RANBP17: variants seen among roughly 807,000 people sequenced by gnomAD.
The protein encoded by RANBP17 is RAN binding protein 17.
In RANBP17, 158 loss-of-function variants were observed where a neutral mutation model predicts 141.2. The ratio of observed to expected loss-of-function variants is 1.12; its 90% CI spans 0.98 to 1.28. The LOEUF (loss-of-function observed/expected upper bound fraction) is 1.28. Ranked by LOEUF, RANBP17 falls within the 50% of genes most tolerant of loss-of-function variation. The pLI is 0.00. For synonymous variants in RANBP17, 430 were observed against 450.0 expected (o/e 0.96, Z 0.56); for missense variants, 1,438 against 1,290.7 (o/e 1.11, Z -1.75).
At chr5:171,196,145 T>C (rs565925162) in intron 18 of RANBP17, among the ~76,000 whole-genome samples, 1 of 152,264 alleles carries the variant, frequency 6.6e-6, no homozygotes, top group Admixed American at 6.5e-5. Context: ...ATAAGAAAAG[T>C]AAAGCAGGTT....
chr5:171,194,360 G>C (rs1338550831), intron 18 of RANBP17, among the ~76,000 whole-genome samples: 1 of 151,870 alleles, frequency 6.6e-6, no homozygotes, highest in African/African-American at 2.4e-5. Context: ...TTAAGTAATT[G>C]CTTCTCTTCT....
At chr5:170,936,901 T>C (rs2127468266) in intron 12 of RANBP17, among the ~76,000 whole-genome samples, 1 of 152,372 alleles carries the variant, frequency 6.6e-6, no homozygotes, top group South Asian at 2.1e-4. Flanking sequence ...GTCTTCCTTA[T>C]TGACCTTTAC....
At chr5:171,276,921 A>T (rs1343208757) in intron 25 of RANBP17, among the ~76,000 whole-genome samples, 2 of 528 alleles carry the variant, frequency 3.8e-3, no homozygotes, top group Non-Finnish European at 0.036. Context: ...TGTATCTTAA[A>T]AAAAAAAAAA....
At chr5:171,135,920 G>T (rs951283291) in intron 14 of RANBP17, among the ~76,000 whole-genome samples, 2 of 152,124 alleles carry the variant, frequency 1.3e-5, no homozygotes, top group Non-Finnish European at 2.9e-5. Context: ...TGCAATCAAA[G>T]ATTAATTTGC....
intron 14 of RANBP17, among the ~76,000 whole-genome samples, chr5:171,089,964 C>G (rs956102724): frequency 6.6e-6 from 1 of 152,182 alleles, no homozygotes; most frequent in Non-Finnish European, 1.5e-5. Context: ...TGTTCCTGTT[C>G]GGCCATCTTC....
chr5:171,065,182 G>A (rs921965316), intron 14 of RANBP17, among the ~76,000 whole-genome samples: 1 of 151,948 alleles, frequency 6.6e-6, no homozygotes, highest in African/African-American at 2.4e-5. Flanking sequence ...GTAGTGGAAG[G>A]AATGAATCTA....
chr5:171,205,376 GTC>G (rs1224867526), intron 19 of RANBP17, 146 bp from the exon 20 acceptor site: 3 of 635,152 alleles, frequency 4.7e-6, no homozygotes, highest in East Asian at 5.5e-5. Context: ...TGTTTAAAGA[GTC>G]TGTGCTTTTC....
At chr5:171,066,124 G>A (rs245761) in intron 14 of RANBP17, among the ~76,000 whole-genome samples, 92,924 of 151,772 alleles carry the variant, frequency 0.61, 29,790 homozygotes, top group South Asian at 0.88. Flanking sequence ...GGCCTCCCAA[G>A]GTGCTGGGAT....
chr5:171,091,326 G>A lies in RANBP17; in HGVS notation c.1711-78804G>A, dbSNP rs185860631. Among the ~76,000 whole-genome samples the A allele has an allele frequency of 1.4e-3, 214 of 151,610 alleles. 1 individual carries two copies. Among genetic ancestry groups the A allele is most frequent in the Non-Finnish European group, 2.7e-3 (184 of 67,918 alleles). ...CAGATTTGCATGGGGCGTTTAGCCCGTTTGTTTTGTCCAGTTTCCCCCATT... is the reference window on the plus strand; with the variant it reads ...CAGATTTGCATGGGGCGTTTAGCCCATTTGTTTTGTCCAGTTTCCCCCATT... On this transcript the variant is annotated intron_variant, in intron 14 of 27. Transcript: ENST00000523189.
chr5:171,089,312 C>T (rs1262342623), intron 14 of RANBP17, among the ~76,000 whole-genome samples: 9 of 109,222 alleles, frequency 8.2e-5, no homozygotes, highest in Admixed American at 1.9e-4. Flanking sequence ...GGCAGTCTGC[C>T]CGTTCTCAGA....
chr5:171,013,803 G>A (rs987541817), intron 14 of RANBP17, among the ~76,000 whole-genome samples: 1 of 152,072 alleles, frequency 6.6e-6, no homozygotes, highest in Non-Finnish European at 1.5e-5. Context: ...AAAAATAGAA[G>A]AGTATGGTGT....
intron 3 of RANBP17, among the ~76,000 whole-genome samples, chr5:170,891,553 G>T (rs542428628): frequency 2.6e-5 from 4 of 152,260 alleles, no homozygotes; most frequent in African/African-American, 9.6e-5. Context: ...GGTTTAATTG[G>T]CTCATGGTTC....
chr5:171,252,352 A>G, intron 24 of RANBP17: 1 of 1,538,388 alleles, frequency 6.5e-7, no homozygotes, highest in South Asian at 1.1e-5. Context: ...GGGAACATTA[A>G]CTAATGAAAC....
At position 171,036,145 on chromosome 5, in the gene RANBP17, A is replaced by G. The variant is rs146652958; in HGVS notation, c.1710+67768A>G. Among the ~76,000 whole-genome samples the G allele has an allele frequency of 3.8e-3, 582 of 152,296 alleles. 1 individual carries two copies. Among genetic ancestry groups the G allele is most frequent in the Non-Finnish European group, 5.5e-3 (374 of 68,016 alleles). ...TCGAACTCCTGGCCTCAAGTGGTCC[A>G]GCCACCTTGGCCTCCCAAAGTGCTA... is the stretch of plus-strand genomic sequence containing the variant. On this transcript the variant is annotated intron_variant, in intron 14 of 27. Coordinates refer to ENST00000523189, the MANE Select transcript of RANBP17 (RefSeq NM_022897.5).
At chr5:171,101,996 C>T (rs1787197754) in intron 14 of RANBP17, among the ~76,000 whole-genome samples, 1 of 152,120 alleles carries the variant, frequency 6.6e-6, no homozygotes, top group South Asian at 2.1e-4. Context: ...TGTGGGTAAC[C>T]CAACCTTTCT....
intron 14 of RANBP17, among the ~76,000 whole-genome samples, chr5:171,014,067 T>A (rs1240840645): frequency 6.6e-6 from 1 of 152,130 alleles, no homozygotes; most frequent in Non-Finnish European, 1.5e-5. Flanking sequence ...TCTTTATTAT[T>A]TTGAAAAGAC....
intron 14 of RANBP17, among the ~76,000 whole-genome samples, chr5:171,012,028 T>C (rs80329698): frequency 0.038 from 5,688 of 151,264 alleles, 327 homozygotes; most frequent in African/African-American, 0.13. Context: ...TTTAAACAAA[T>C]AATATATTTG....
intron 16 of RANBP17, among the ~76,000 whole-genome samples, chr5:171,178,599 G>GTCT (rs1489682645): frequency 6.6e-6 from 1 of 152,128 alleles, no homozygotes; most frequent in African/African-American, 2.4e-5. Flanking sequence ...TTGCCACACT[G>GTCT]TCTTCCACAA....
intron 14 of RANBP17, among the ~76,000 whole-genome samples, chr5:170,993,619 TAAATG>T (rs1474760548): frequency 2.0e-5 from 3 of 152,104 alleles, no homozygotes; most frequent in Non-Finnish European, 4.4e-5. Flanking sequence ...GTTTTGACAT[TAAATG>T]AGAGTGTATA....
Sources: gnomAD v4.1 joint callset for allele counts (sites outside exome capture counted in the v4.1 genomes callset) on GRCh38, gnomAD v4.1.1 for gene constraint, MANE v1.5 for transcripts, NCBI Gene and HGNC (gene_info 2026-07-23, HGNC 2026-07-21) for gene names.